Variants in STAG1 observed in about 807,000 individuals in gnomAD.
STAG1 encodes cohesin subunit SA-1.
In STAG1, 26 loss-of-function variants were observed where a neutral mutation model predicts 170.9. That is an observed-to-expected ratio of 0.15 (90% CI 0.11 to 0.21). STAG1 has a LOEUF of 0.21. Among genes scored for constraint, STAG1 ranks in the 10% least tolerant of loss-of-function variants. The probability of loss-of-function intolerance (pLI) is 1.00; values close to 1 mark genes in which losing one functional copy is unlikely to be tolerated. For synonymous variants in STAG1, 514 were observed against 497.7 expected, an observed-to-expected ratio of 1.03 and a Z score of -0.44; for missense variants, 964 against 1,509.5, an observed-to-expected ratio of 0.64 and a Z score of 5.99.
At chr3:136,684,491 T>G (rs1576761225) in intron 1 of STAG1, among the ~76,000 whole-genome samples, 1 of 152,182 alleles carries the variant, frequency 6.6e-6, no homozygotes, top group African/African-American at 2.4e-5. Flanking sequence ...GGCTCGCGCC[T>G]GTAATTCCAG....
At chr3:136,537,151 T>C (rs961759231) in intron 6 of STAG1, among the ~76,000 whole-genome samples, 7 of 152,214 alleles carry the variant, frequency 4.6e-5, no homozygotes, top group Admixed American at 1.3e-4. Flanking sequence ...TCTGTTTACC[T>C]TTCTCATCTT....
intron 1 of STAG1, among the ~76,000 whole-genome samples, chr3:136,648,768 TTCTC>T (rs1366779300): frequency 3.3e-5 from 5 of 152,152 alleles, no homozygotes; most frequent in African/African-American, 1.2e-4. Context: ...CCCTTCCTCT[TTCTC>T]TCTAATCTTA....
rs1319011763 is a variant in STAG1, at chr3:136,359,304, A to AAAG, written c.2788-11_2788-9dup. On this transcript the variant is annotated splice_polypyrimidine_tract_variant and intron_variant, in intron 26 of 33. Coordinates refer to ENST00000383202, the MANE Select transcript of STAG1 (RefSeq NM_005862.3). ...AACAAGTTCATTAAATAACTGATAG[A>AAAG]AAGAAAAAAAGAAGAAAAAACCTAT... The AAAG allele has an allele frequency of 1.9e-6, 3 of 1,545,954 alleles. No individual in the cohort carries two copies. In the African/African-American group the frequency reaches 4.2e-5, roughly 21 times the overall value.
intron 4 of STAG1, among the ~76,000 whole-genome samples, chr3:136,601,110 C>T (rs1385798726): frequency 6.6e-6 from 1 of 152,110 alleles, no homozygotes; most frequent in South Asian, 2.1e-4. Context: ...ATCCACCCGC[C>T]TCAGCCTCCC....
At chr3:136,550,981 T>G (rs905634016) in intron 5 of STAG1, among the ~76,000 whole-genome samples, 4 of 152,108 alleles carry the variant, frequency 2.6e-5, no homozygotes, top group Non-Finnish European at 5.9e-5. Flanking sequence ...CACTACTGAT[T>G]ATTAATCATG....
chr3:136,515,864 G>A (rs1934347325), intron 7 of STAG1, among the ~76,000 whole-genome samples: 1 of 152,082 alleles, frequency 6.6e-6, no homozygotes, highest in South Asian at 2.1e-4. Context: ...AATCCCACGA[G>A]AACATCAGAA....
intron 9 of STAG1, among the ~76,000 whole-genome samples, chr3:136,498,257 C>CATACATAT (rs1472369855): frequency 3.6e-5 from 3 of 83,676 alleles, no homozygotes; most frequent in African/African-American, 1.9e-4. Context: ...CATACACACA[C>CATACATAT]ACACACACAC....
chr3:136,560,214 T>C (rs1002881581), intron 5 of STAG1, among the ~76,000 whole-genome samples: 1 of 152,210 alleles, frequency 6.6e-6, no homozygotes, highest in African/African-American at 2.4e-5. Context: ...AAACATTCCT[T>C]GTTATATTCA....
chr3:136,571,499 G>A (rs1378850613), intron 4 of STAG1, among the ~76,000 whole-genome samples: 1 of 151,670 alleles, frequency 6.6e-6, no homozygotes, highest in Non-Finnish European at 1.5e-5. Context: ...AGCCTGTAAG[G>A]TCAAGGCTGC....
chr3:136,631,397 T>C lies in STAG1; in HGVS notation c.-83-416A>G, dbSNP rs147259839. Among the ~76,000 whole-genome samples the C allele has an allele frequency of 3.8e-3, 584 of 152,130 alleles. 2 individuals are homozygous for C. Among genetic ancestry groups the C allele is most frequent in the Non-Finnish European group, 6.4e-3 (436 of 68,000 alleles). ...TAAAAGAATCGGTGGTTACCAAGGA[T>C]TTAGTGGGTGGAAGGGATGAACAGG... On this transcript the variant is annotated intron_variant, in intron 1 of 33. Transcript: ENST00000383202.
intron 15 of STAG1, among the ~76,000 whole-genome samples, chr3:136,442,718 C>G (rs535929582): frequency 6.6e-6 from 1 of 151,552 alleles, no homozygotes; most frequent in Admixed American, 6.6e-5. Context: ...TAAGTTACGT[C>G]AGTATTTTGT....
rs1283802944 is a variant in STAG1, at chr3:136,541,582, A to ACACACC, written c.471+536_471+537insGGTGTG. On this transcript the variant is annotated intron_variant, in intron 6 of 33. Transcript: ENST00000383202. Reference sequence around the variant, plus strand: ...CACACACACACACACACACACACACACACCAGGGGTTTGGGAGAATTTCCA... The same window carrying ACACACC: ...CACACACACACACACACACACACACACACACCCACCAGGGGTTTGGGAGAATTTCCA... Among the ~76,000 whole-genome samples, 170 of 150,178 alleles carry ACACACC rather than the reference A, an allele frequency of 1.1e-3. 1 individual carries two copies. The highest frequency in any genetic ancestry group is 4.0e-3 in the African/African-American group (164 of 40,646).
At chr3:136,660,057 C>T (rs1195554194) in intron 1 of STAG1, among the ~76,000 whole-genome samples, 1 of 152,196 alleles carries the variant, frequency 6.6e-6, no homozygotes, top group Non-Finnish European at 1.5e-5. Context: ...TTTCAACATA[C>T]ATGCAGCATG....
intron 4 of STAG1, among the ~76,000 whole-genome samples, chr3:136,573,050 A>G (rs1392371163): frequency 6.6e-6 from 1 of 152,176 alleles, no homozygotes; most frequent in Non-Finnish European, 1.5e-5. Flanking sequence ...ACAGTGGCAC[A>G]TGCCTATAAT....
chr3:136,660,862 A>G (rs1941554678), intron 1 of STAG1, among the ~76,000 whole-genome samples: 1 of 152,112 alleles, frequency 6.6e-6, no homozygotes, highest in Non-Finnish European at 1.5e-5. Flanking sequence ...CCAGCTACTC[A>G]GGAGGCTGAA....
At chr3:136,724,795 G>C (rs1933564951) in intron 1 of STAG1, among the ~76,000 whole-genome samples, 1 of 152,050 alleles carries the variant, frequency 6.6e-6, no homozygotes, top group African/African-American at 2.4e-5. Flanking sequence ...TATTTTGAGA[G>C]GTAAACAAGG....
intron 1 of STAG1, among the ~76,000 whole-genome samples, chr3:136,632,178 G>T (rs551210709): frequency 9.9e-5 from 15 of 152,142 alleles, no homozygotes; most frequent in Non-Finnish European, 1.9e-4. Flanking sequence ...TCAAAAAAAT[G>T]AAAGGAGTCA....
At chr3:136,414,624 T>C (rs768649833) in intron 21 of STAG1, among the ~76,000 whole-genome samples, 3 of 152,212 alleles carry the variant, frequency 2.0e-5, no homozygotes, top group Non-Finnish European at 4.4e-5. Flanking sequence ...CCTCCTCCCA[T>C]GAATCACTAA....
intron 3 of STAG1, among the ~76,000 whole-genome samples, chr3:136,606,314 G>A (rs1475528814): frequency 6.6e-6 from 1 of 151,818 alleles, no homozygotes; most frequent in Non-Finnish European, 1.5e-5. Flanking sequence ...TCAGCCTCTA[G>A]AGTAGCTATG....
Sources: gnomAD v4.1 joint callset for allele counts (sites outside exome capture counted in the v4.1 genomes callset) on GRCh38, gnomAD v4.1.1 for gene constraint, MANE v1.5 for transcripts, NCBI Gene and HGNC (gene_info 2026-07-23, HGNC 2026-07-21) for gene names.